IL3RA: variants seen among roughly 807,000 people sequenced by gnomAD.
IL3RA encodes interleukin-3 receptor subunit alpha.
In IL3RA, 73 loss-of-function variants were observed where a neutral mutation model predicts 52.3. The observed-to-expected ratio is 1.40, with a 90% CI of 1.16 to 1.70. The LOEUF (loss-of-function observed/expected upper bound fraction) is 1.70, where lower values mean the gene tolerates loss of function less well. IL3RA is among the 40% of genes most tolerant of loss of function. The pLI is 0.00. For synonymous variants in IL3RA, 260 were observed against 194.0 expected (o/e 1.34, Z -2.83); for missense variants, 664 against 504.4 (o/e 1.32, Z -3.03).
chrX:1,361,650 G>C (rs1362030416), intron 8 of IL3RA, among the ~76,000 whole-genome samples: 6 of 151,564 alleles, frequency 4.0e-5, no homozygotes, highest in African/African-American at 1.5e-4. Flanking sequence ...CTACTCGGGA[G>C]GCTGAAGCAG....
intron 2 of IL3RA, among the ~76,000 whole-genome samples, 157 bp downstream of exon 2, chrX:1,341,986 C>G (rs761936384): frequency 6.6e-6 from 1 of 152,024 alleles, no homozygotes. Flanking sequence ...CTTCCCTGTA[C>G]CCGTCACCAA....
At chrX:1,350,589 A>T (rs1603443740) in intron 4 of IL3RA, among the ~76,000 whole-genome samples, 1 of 9,024 alleles carries the variant, frequency 1.1e-4, no homozygotes, top group Non-Finnish European at 2.4e-4. Flanking sequence ...AATTCCATCT[A>T]AAAAAAAAAA....
At position 1,378,678 on chromosome X, in the gene IL3RA, C is replaced by G. The variant is rs145602140; in HGVS notation, c.894C>G (p.Gly298=). 5.0e-6 allele frequency: 8 copies of G among 1,612,580 alleles called. No individual in the cohort carries two copies. In the East Asian group the frequency reaches 1.8e-4, roughly 36 times the overall value. ...CCCTAGAGTGCGACCAGGAGGAGGG[C>G]GCAAACACACGTGCCTGGCGGACGT... ...PQRFECDQEE[G]ANTRAWRTSL... is the part of the protein sequence containing the mutation. Residue 298 remains glycine (G), a synonymous_variant, in exon 10 of 12, where the codon GGC becomes GGG. Coordinates refer to ENST00000331035, the MANE Select transcript of IL3RA (RefSeq NM_002183.4).
At chrX:1,351,513 G>A (rs1375358376) in intron 4 of IL3RA, among the ~76,000 whole-genome samples, 2 of 149,680 alleles carry the variant, frequency 1.3e-5, no homozygotes, top group African/African-American at 4.9e-5. Context: ...ATTTTTAGTA[G>A]AGGCAGGGTT....
intron 11 of IL3RA, among the ~76,000 whole-genome samples, chrX:1,381,530 C>T (rs1243241893): frequency 6.7e-6 from 1 of 150,330 alleles, no homozygotes; most frequent in African/African-American, 2.4e-5. Flanking sequence ...CACACCAGAG[C>T]AGAGCAGATT....
intron 6 of IL3RA, among the ~76,000 whole-genome samples, chrX:1,354,378 C>T (rs1365034259): frequency 4.6e-5 from 7 of 151,780 alleles, no homozygotes; most frequent in Non-Finnish European, 5.9e-5. Flanking sequence ...CCAGAGCTGA[C>T]GTGCCCTGAA....
At chrX:1,362,262 TTC>T (rs1462880134) in intron 8 of IL3RA, among the ~76,000 whole-genome samples, 1 of 151,718 alleles carries the variant, frequency 6.6e-6, no homozygotes, top group African/African-American at 2.4e-5. Flanking sequence ...CTCTCTGTTT[TTC>T]TGTCTCTTTT....
intron 9 of IL3RA, among the ~76,000 whole-genome samples, chrX:1,367,707 CGCGGGGTGA>C (rs1188371685): frequency 4.0e-5 from 4 of 100,006 alleles, no homozygotes; most frequent in Admixed American, 1.0e-4. Context: ...GAGCCGGGTG[CGCGGGGTGA>C]GCGGGGTGCG....
intron 6 of IL3RA, 26 bp downstream of exon 6, chrX:1,352,532 C>T: frequency 6.2e-7 from 1 of 1,606,374 alleles, no homozygotes; most frequent in Non-Finnish European, 8.5e-7. Context: ...CACTCCCTCC[C>T]ACCCTCAGTT....
chrX:1,358,932 G>C, intron 8 of IL3RA, 45 bp downstream of exon 8: 1 of 1,509,836 alleles, frequency 6.6e-7, no homozygotes, highest in African/African-American at 1.4e-5. Context: ...CATTGCAAAG[G>C]GTGAGTTTTA....
Position 1,365,274 on chromosome X carries a change from CGCGGGGTGA to C in IL3RA, c.874+40_874+48del, listed in dbSNP as rs753171337. The C allele has an allele frequency of 2.7e-3, 3,782 of 1,423,836 alleles. 22 individuals are homozygous for C. Among genetic ancestry groups the C allele is most frequent in the Admixed American group, 2.6e-3 (143 of 54,342 alleles). 88.2% of individuals were successfully genotyped at this position (1,423,836 alleles called of 1,614,324 possible). A position where few individuals can be genotyped will look rare whatever the true frequency, so the allele number is the denominator to read the frequency against. ...TTCGGTGAGTGGGCTGTGCGGGGTG[CGCGGGGTGA>C]GCGGGGTGAGCGGGGTGCGCGGGGT... On this transcript the variant is annotated intron_variant, in intron 9 of 11. Coordinates refer to ENST00000331035, the MANE Select transcript of IL3RA (RefSeq NM_002183.4).
rs375915309 is a variant in IL3RA, at chrX:1,348,684, T to TTC, written c.298+141_298+142dup. On this transcript the variant is annotated intron_variant, in intron 4 of 11. Coordinates refer to ENST00000331035, the MANE Select transcript of IL3RA (RefSeq NM_002183.4). ...TTTCTTTCTTTCTTTCTTTCTTTCT[T>TTC]TCTTTCTTTTTCTTTCTTTCTGTTT... 2.1e-3 allele frequency: 573 copies of TTC among 272,634 alleles called. 26 individuals carry two copies. Among genetic ancestry groups the TTC allele is most frequent in the African/African-American group, 0.014 (228 of 16,882 alleles). The allele number at this position is 272,634 out of a possible 1,614,324, so 16.9% of individuals were successfully genotyped here.
chrX:1,340,241 G>A (rs1276797471), intron 1 of IL3RA, among the ~76,000 whole-genome samples: 4 of 150,736 alleles, frequency 2.7e-5, no homozygotes, highest in South Asian at 2.1e-4. Context: ...TCAGCCTCCC[G>A]AGTAGCTGGG....
chrX:1,351,614 C>G (rs1196464429), intron 4 of IL3RA, among the ~76,000 whole-genome samples: 1 of 147,450 alleles, frequency 6.8e-6, no homozygotes, highest in Admixed American at 6.9e-5. Context: ...CAGGCGTGAG[C>G]CACCATGCCT....
chrX:1,347,366 C>G (rs2085793552), intron 3 of IL3RA, among the ~76,000 whole-genome samples: 1 of 151,220 alleles, frequency 6.6e-6, no homozygotes, highest in Non-Finnish European at 1.5e-5. Flanking sequence ...ATGGCTTGAA[C>G]CTGGGAGGCA....
intron 6 of IL3RA, 55 bp downstream of exon 6, chrX:1,352,561 A>T: frequency 6.4e-7 from 1 of 1,566,356 alleles, no homozygotes; most frequent in Non-Finnish European, 8.7e-7. Context: ...CCACGGCTTT[A>T]GCGCCAGGCC....
At chrX:1,355,485 G>A (rs868051216) in intron 6 of IL3RA, among the ~76,000 whole-genome samples, 3 of 145,364 alleles carry the variant, frequency 2.1e-5, no homozygotes, top group African/African-American at 7.6e-5. Context: ...GGAGGAGGGG[G>A]CCAGGGCTGG....
chrX:1,378,611 C>T (rs1190068870), intron 9 of IL3RA, 48 bp from the exon 10 acceptor site: 6 of 1,505,774 alleles, frequency 4.0e-6, no homozygotes, highest in Admixed American at 1.8e-5. Flanking sequence ...GTCCCTGGTC[C>T]CCCCAGGACG....
chrX:1,343,387 G>A (rs758580214), intron 2 of IL3RA, among the ~76,000 whole-genome samples: 7 of 152,080 alleles, frequency 4.6e-5, no homozygotes, highest in Admixed American at 2.0e-4. Flanking sequence ...TTTACTGGCC[G>A]GGTGCAACGG....
Sources: gnomAD v4.1 joint callset for allele counts (sites outside exome capture counted in the v4.1 genomes callset) on GRCh38, gnomAD v4.1.1 for gene constraint, MANE v1.5 for transcripts, NCBI Gene and HGNC (gene_info 2026-07-23, HGNC 2026-07-21) for gene names.